The following RASA2 variants were observed in gnomAD, a reference collection of about 807,000 sequenced individuals.
RASA2 encodes ras GTPase-activating protein 2.
A neutral mutation model predicts 118.2 loss-of-function variants in RASA2; 155 were observed. The observed-to-expected ratio is 1.31, with a 90% confidence interval of 1.15 to 1.50. RASA2 has a LOEUF of 1.50. Ranked by LOEUF, RASA2 falls within the 40% of genes most tolerant of loss-of-function variation. The probability of loss-of-function intolerance (pLI) is 0.00; values close to 1 mark genes in which losing one functional copy is unlikely to be tolerated. For synonymous variants in RASA2, 353 were observed against 349.1 expected, an observed-to-expected ratio of 1.01 and a Z score of -0.12; for missense variants, 1,016 against 1,009.6, an observed-to-expected ratio of 1.01 and a Z score of -0.09.
chr3:141,487,890 A>G (rs193056842), intron 1 of RASA2, among the ~76,000 whole-genome samples: 2 of 152,156 alleles, frequency 1.3e-5, no homozygotes, highest in Admixed American at 6.5e-5. Context: ...TGCGGCCGGG[A>G]CTTGAATCGA....
At chr3:141,541,771 TTTTC>T (rs1352960796) in intron 5 of RASA2, among the ~76,000 whole-genome samples, 1 of 152,046 alleles carries the variant, frequency 6.6e-6, no homozygotes, top group Non-Finnish European at 1.5e-5. Context: ...AGTTTTTTGC[TTTTC>T]TTTGATTGTA....
At chr3:141,505,046 T>C (rs140113326) in intron 1 of RASA2, among the ~76,000 whole-genome samples, 27 of 152,308 alleles carry the variant, frequency 1.8e-4, no homozygotes, top group Non-Finnish European at 8.8e-5. Context: ...TGCTTCCCTA[T>C]ATAAAATAAC....
Position 141,532,222 on chromosome 3 carries a change from G to A in RASA2, c.450+2420G>A, listed in dbSNP as rs151238703. Among the ~76,000 whole-genome samples the A allele has an allele frequency of 6.6e-5, 10 of 152,200 alleles. No individual in the cohort carries two copies. In the East Asian group the frequency reaches 1.9e-3, roughly 29 times the overall value. ...TCCAGAGTCACAGAACTACTAAGTAGTGGAGCCTTGATTCCAAAAGAGATC... is the reference window on the plus strand; with the variant it reads ...TCCAGAGTCACAGAACTACTAAGTAATGGAGCCTTGATTCCAAAAGAGATC... On this transcript the variant is annotated intron_variant, in intron 4 of 23. Transcript: ENST00000286364.
chr3:141,610,238 T>C (rs527338762), intron 23 of RASA2, among the ~76,000 whole-genome samples, 172 bp downstream of exon 23: 3 of 150,290 alleles, frequency 2.0e-5, no homozygotes, highest in Admixed American at 1.3e-4. Flanking sequence ...TTGTTCAGTT[T>C]AGCCATCATT....
At chr3:141,598,478 G>A (rs1490423128) in intron 19 of RASA2, among the ~76,000 whole-genome samples, 1 of 152,206 alleles carries the variant, frequency 6.6e-6, no homozygotes, top group African/African-American at 2.4e-5. Flanking sequence ...AAAAGTGTAT[G>A]TAAGAAATTT....
intron 1 of RASA2, among the ~76,000 whole-genome samples, chr3:141,488,427 C>T (rs557324387): frequency 1.3e-5 from 2 of 152,280 alleles, no homozygotes; most frequent in African/African-American, 2.4e-5. Flanking sequence ...TTCCTCTCCT[C>T]TAATACCAGT....
intron 1 of RASA2, among the ~76,000 whole-genome samples, chr3:141,505,231 T>C (rs2081847214): frequency 1.3e-5 from 2 of 152,248 alleles, no homozygotes; most frequent in South Asian, 4.1e-4. Flanking sequence ...AACAGTTTCG[T>C]ATGGGCAGAG....
chr3:141,517,575 T>C (rs769249484), intron 3 of RASA2, among the ~76,000 whole-genome samples: 1 of 152,158 alleles, frequency 6.6e-6, no homozygotes, highest in Non-Finnish European at 1.5e-5. Flanking sequence ...GCCAGGCCCC[T>C]CCTCCAACAG....
At chr3:141,605,260 A>G (rs1465560742) in intron 19 of RASA2, among the ~76,000 whole-genome samples, 1 of 152,068 alleles carries the variant, frequency 6.6e-6, no homozygotes, top group African/African-American at 2.4e-5. Flanking sequence ...TCTCCTGAAT[A>G]CTCTTATTTG....
chr3:141,490,280 G>A (rs1211226733), intron 1 of RASA2, among the ~76,000 whole-genome samples: 2 of 146,170 alleles, frequency 1.4e-5, no homozygotes, highest in Non-Finnish European at 3.0e-5. Context: ...CCTGTGTAGC[G>A]AGTAGCAAGT....
chr3:141,586,843 G>A, intron 19 of RASA2, 91 bp downstream of exon 19: 4 of 1,004,604 alleles, frequency 4.0e-6, no homozygotes, highest in Non-Finnish European at 6.2e-6. Flanking sequence ...AATCCTTTCA[G>A]TAATATTACT....
At chr3:141,507,458 C>T (rs923307511) in intron 1 of RASA2, among the ~76,000 whole-genome samples, 89 of 152,240 alleles carry the variant, frequency 5.8e-4, no homozygotes, top group African/African-American at 1.9e-3. Context: ...AGAGTTATTG[C>T]CTCTTTTAGG....
intron 5 of RASA2, among the ~76,000 whole-genome samples, chr3:141,552,841 C>G (rs988197477): frequency 1.3e-5 from 2 of 152,182 alleles, no homozygotes; most frequent in African/African-American, 4.8e-5. Context: ...TACTCAACAG[C>G]TTGCATCTTT....
chr3:141,508,253 A>G (rs2081898777), intron 1 of RASA2, among the ~76,000 whole-genome samples: 1 of 152,034 alleles, frequency 6.6e-6, no homozygotes, highest in Non-Finnish European at 1.5e-5. Context: ...TATAAGAAAA[A>G]CCCTCATACA....
At chr3:141,527,472 C>A (rs1412788212) in intron 3 of RASA2, among the ~76,000 whole-genome samples, 5 of 151,994 alleles carry the variant, frequency 3.3e-5, no homozygotes, top group African/African-American at 1.2e-4. Context: ...AAGGTAAGAG[C>A]TTCAGCTATA....
intron 1 of RASA2, among the ~76,000 whole-genome samples, chr3:141,506,915 CAAA>C (rs59123792): frequency 2.2e-4 from 20 of 89,730 alleles, no homozygotes; most frequent in Non-Finnish European, 3.1e-4. Context: ...GACCCTGTCT[CAAA>C]AAAAAAAAAA....
rs776517254 is a variant in RASA2, at chr3:141,560,008, C to A, written c.863+13C>A. On this transcript the variant is annotated intron_variant, in intron 9 of 23. Transcript: ENST00000286364. Reference sequence around the variant, plus strand: ...CTCATCAAGCCTGGTAAGGGCCCAGCATTTTAGTGAACTCCATAGTTTAAT... The same window carrying A: ...CTCATCAAGCCTGGTAAGGGCCCAGAATTTTAGTGAACTCCATAGTTTAAT... 4.4e-6 allele frequency: 7 copies of A among 1,586,500 alleles called. No individual in the cohort carries two copies. The highest frequency in any genetic ancestry group is 5.2e-6 in the Non-Finnish European group (6 of 1,155,718).
chr3:141,511,047 T>C (rs1577658974), intron 1 of RASA2, among the ~76,000 whole-genome samples: 2 of 152,152 alleles, frequency 1.3e-5, no homozygotes, highest in African/African-American at 4.8e-5. Context: ...TTGGACTCGG[T>C]GATTCTGGTC....
chr3:141,487,228 C>T lies in RASA2; in HGVS notation c.133+12C>T. Reference sequence around the variant, plus strand: ...GCGGGGCAAGATCTGTAAGCGGGGGCTGGGCTGAGGGGACGCCCTGGCGGC... The same window carrying T: ...GCGGGGCAAGATCTGTAAGCGGGGGTTGGGCTGAGGGGACGCCCTGGCGGC... On this transcript the variant is annotated intron_variant, in intron 1 of 23. Transcript: ENST00000286364. The T allele has an allele frequency of 7.2e-7, 1 of 1,385,494 alleles. No homozygotes were observed. The highest frequency in any genetic ancestry group is 9.5e-7 in the Non-Finnish European group (1 of 1,057,980). 85.8% of individuals were successfully genotyped at this position (1,385,494 alleles called of 1,614,324 possible). A position where few individuals can be genotyped will look rare whatever the true frequency, so the allele number is the denominator to read the frequency against.
Sources: allele counts gnomAD v4.1 joint callset (sites outside exome capture counted in the v4.1 genomes callset), GRCh38; gene constraint gnomAD v4.1.1; transcripts MANE v1.5; gene names NCBI Gene and HGNC (gene_info 2026-07-23, HGNC 2026-07-21).